Variants in LRP1B observed in about 807,000 individuals in gnomAD.
LRP1B encodes the protein LDL receptor related protein 1B.
A neutral mutation model predicts 556.6 loss-of-function variants in LRP1B; 217 were observed. The observed-to-expected ratio is 0.39, with a 90% CI of 0.35 to 0.44. LRP1B has a LOEUF of 0.44. LRP1B is among the 20% of genes least tolerant of loss of function. LRP1B has a pLI of 1.00. For synonymous variants in LRP1B, 2,047 were observed against 1,865.8 expected, an observed-to-expected ratio of 1.10 and a Z score of -2.50; for missense variants, 5,053 against 5,620.8, an observed-to-expected ratio of 0.90 and a Z score of 3.23.
intron 3 of LRP1B, among the ~76,000 whole-genome samples, chr2:141,445,933 T>C (rs574392745): frequency 2.6e-5 from 4 of 152,190 alleles, no homozygotes; most frequent in Non-Finnish European, 5.9e-5. Flanking sequence ...GTCTATTAGG[T>C]CCACTTCGTC....
chr2:141,291,114 T>C (rs1392977733), intron 3 of LRP1B, among the ~76,000 whole-genome samples: 2 of 152,174 alleles, frequency 1.3e-5, no homozygotes, highest in South Asian at 2.1e-4. Flanking sequence ...GATAGGTTTA[T>C]AAACAACTTT....
chr2:140,700,497 C>A lies in LRP1B; in HGVS notation c.6552G>T (p.Arg2184Ser), dbSNP rs375811485. The A allele has an allele frequency of 6.8e-6, 11 of 1,613,330 alleles. No homozygotes were observed. Among genetic ancestry groups the A allele is most frequent in the Non-Finnish European group, 9.3e-6 (11 of 1,179,650 alleles). ...YLAEDGVTCL[R>S]HEGYLLYSGR... ...CTGAATACAGTAAATAGCCTTCATG[C>A]CTCAGGCAAGTAACTCCATCTTCTG... Residue 2184 changes from arginine to serine, a missense_variant, in exon 41 of 91, where the codon AGG becomes AGT. Physicochemically the swap from Arg to Ser is moderately radical, Grantham distance 110 (BLOSUM62 -1). Transcript: ENST00000389484.
intron 3 of LRP1B, among the ~76,000 whole-genome samples, chr2:141,295,032 T>C (rs1368455705): frequency 6.6e-6 from 1 of 151,942 alleles, no homozygotes; most frequent in Non-Finnish European, 1.5e-5. Context: ...GCAAAAATAT[T>C]TTTTATTAGT....
intron 41 of LRP1B, among the ~76,000 whole-genome samples, chr2:140,654,613 A>T (rs1482294946): frequency 6.6e-6 from 1 of 152,166 alleles, no homozygotes; most frequent in Non-Finnish European, 1.5e-5. Flanking sequence ...TCTAAGTGGG[A>T]ACAGATGGGT....
At chr2:140,577,169 G>A (rs1322961131) in intron 43 of LRP1B, among the ~76,000 whole-genome samples, 7 of 152,034 alleles carry the variant, frequency 4.6e-5, no homozygotes, top group African/African-American at 7.2e-5. Flanking sequence ...TGAAAGTTAA[G>A]CCAAGTACAA....
chr2:140,322,044 GCAA>G lies in LRP1B; in HGVS notation c.12556_12558del (p.Leu4187del). 6.2e-7 allele frequency: 1 copy of G among 1,612,988 alleles called. No homozygotes were observed. Among genetic ancestry groups the G allele is most frequent in the East Asian group, 2.2e-5 (1 of 44,762 alleles). On this transcript the variant is annotated inframe_deletion, in exon 82 of 91. Coordinates refer to ENST00000389484, the MANE Select transcript of LRP1B (RefSeq NM_018557.3). ...ACACAAGTGGCCCCAGAAGGATTTA[GCAA>G]GCAAAGAAATTCGCATGCTAAATCC... is the stretch of plus-strand genomic sequence containing the variant.
chr2:140,556,317 G>GC (rs139197425), intron 43 of LRP1B, among the ~76,000 whole-genome samples: 10 of 151,922 alleles, frequency 6.6e-5, no homozygotes, highest in South Asian at 4.2e-4. Context: ...TGGAGGAAAG[G>GC]CCCCCCCACA....
intron 1 of LRP1B, among the ~76,000 whole-genome samples, chr2:142,060,708 A>T (rs1704874426): frequency 6.6e-6 from 1 of 152,104 alleles, no homozygotes; most frequent in South Asian, 2.1e-4. Flanking sequence ...TTTTAAGAGA[A>T]TACATATGAA....
intron 2 of LRP1B, among the ~76,000 whole-genome samples, chr2:141,651,416 G>C (rs1239500897): frequency 6.6e-6 from 1 of 152,102 alleles, no homozygotes; most frequent in Non-Finnish European, 1.5e-5. Flanking sequence ...GTAATCCCAG[G>C]ACTTTGGGAG....
In LRP1B at chr2:142,089,137, T is replaced by C. The variant is rs553426214; in HGVS notation, c.82+41511A>G. Among the ~76,000 whole-genome samples the C allele has an allele frequency of 8.5e-5, 13 of 152,226 alleles. 1 individual carries two copies. In the South Asian group the frequency reaches 2.7e-3, roughly 32 times the overall value. On this transcript the variant is annotated intron_variant, in intron 1 of 90. Coordinates refer to ENST00000389484, the MANE Select transcript of LRP1B (RefSeq NM_018557.3). ...AAGCAGATAAAAGCTATTAAATTCA[T>C]GGAGCTTACATTCTTTTGAAGGGAC... is the stretch of plus-strand genomic sequence containing the variant.
chr2:140,983,328 G>C (rs1391745775), intron 17 of LRP1B, among the ~76,000 whole-genome samples: 1 of 152,072 alleles, frequency 6.6e-6, no homozygotes, highest in Non-Finnish European at 1.5e-5. Context: ...GGTGAGGCTT[G>C]AACAGATAGT....
intron 3 of LRP1B, among the ~76,000 whole-genome samples, chr2:141,258,228 A>G (rs946636787): frequency 2.6e-5 from 4 of 152,162 alleles, no homozygotes; most frequent in Non-Finnish European, 4.4e-5. Flanking sequence ...GCTCACACTT[A>G]TAATCCTAGC....
At chr2:141,740,837 AGAT>A (rs1192422510) in intron 2 of LRP1B, among the ~76,000 whole-genome samples, 1 of 152,156 alleles carries the variant, frequency 6.6e-6, no homozygotes, top group Non-Finnish European at 1.5e-5. Context: ...GGAGCAAATC[AGAT>A]TGAAAATGTG....
intron 7 of LRP1B, among the ~76,000 whole-genome samples, chr2:141,096,669 A>AGAGAGAGG (rs1700325768): frequency 7.7e-6 from 1 of 130,136 alleles, no homozygotes; most frequent in Non-Finnish European, 1.6e-5. Context: ...AGAGAGAGAG[A>AGAGAGAGG]GAGAGAGAGA....
intron 51 of LRP1B, among the ~76,000 whole-genome samples, chr2:140,511,800 G>A (rs894022810): frequency 6.6e-6 from 1 of 152,056 alleles, no homozygotes. Flanking sequence ...TTAAATAAAT[G>A]TACTTTCATT....
rs532008758 is a variant in LRP1B, at chr2:140,261,045, A to T, written c.13247+9197T>A. Among the ~76,000 whole-genome samples, 22 of 122,948 alleles carry T rather than the reference A, an allele frequency of 1.8e-4. No individual in the cohort carries two copies. The South Asian group carries it at 5.7e-3, about 32-fold the overall frequency. 80.7% of individuals were successfully genotyped at this position (122,948 alleles called of 152,430 possible). ...ATAAGAGAATGTTGGTGAGATATAT[A>T]TATATGTGTGTGTATATATATATAA... On this transcript the variant is annotated intron_variant, in intron 86 of 90. Transcript: ENST00000389484.
chr2:140,327,642 AACAAAAACCTGTTCCCGGTAAC>A (rs1338475540), intron 79 of LRP1B, among the ~76,000 whole-genome samples: 2 of 152,078 alleles, frequency 1.3e-5, no homozygotes, highest in Admixed American at 1.3e-4. Context: ...AAGTAGCTAA[AACAAAAACCTGTTCCCGGTAAC>A]ATTAGTTTTA....
intron 3 of LRP1B, among the ~76,000 whole-genome samples, chr2:141,284,899 C>T (rs578133795): frequency 3.9e-5 from 6 of 152,138 alleles, no homozygotes; most frequent in Admixed American, 6.5e-5. Context: ...TAAAATTATC[C>T]GGCTCTATCC....
In LRP1B at chr2:140,926,437, A is replaced by G. The variant is rs573518801; in HGVS notation, c.3137-3290T>C. On this transcript the variant is annotated intron_variant, in intron 20 of 90. Coordinates refer to ENST00000389484, the MANE Select transcript of LRP1B (RefSeq NM_018557.3). ...GCTCATTGCAGCCTCAACCTCCTGG[A>G]CTCATACAGTTCTCCCACCTCAGCC... Among the ~76,000 whole-genome samples, 3 of 151,934 alleles carry G rather than the reference A, an allele frequency of 2.0e-5. No homozygotes were observed. In the East Asian group the frequency reaches 5.8e-4, roughly 30 times the overall value.
Sources: allele counts gnomAD v4.1 joint callset (sites outside exome capture counted in the v4.1 genomes callset), GRCh38; gene constraint gnomAD v4.1.1; transcripts MANE v1.5; gene names NCBI Gene and HGNC (gene_info 2026-07-23, HGNC 2026-07-21).